The following DIPK2B variants were observed in gnomAD, a reference collection of about 807,000 sequenced individuals.
DIPK2B encodes the protein UPF0672 protein CXorf36.
A neutral mutation model predicts 22.2 loss-of-function variants in DIPK2B; 15 were observed. The ratio of observed to expected loss-of-function variants is 0.68; its 90% CI spans 0.45 to 1.04. The LOEUF is 1.04. DIPK2B is among the 50% of genes least tolerant of loss of function. The pLI is 0.00. For missense variants in DIPK2B, 345 were observed against 348.3 expected, an observed-to-expected ratio of 0.99 and a Z score of 0.08; for synonymous variants, 163 against 153.2, an observed-to-expected ratio of 1.06 and a Z score of -0.47.
intron 1 of DIPK2B, among the ~76,000 whole-genome samples, chrX:45,193,295 T>C (rs1169273418): frequency 8.9e-6 from 1 of 112,465 alleles, no homozygotes; most frequent in Non-Finnish European, 1.9e-5. Context: ...ATGTGACATG[T>C]TATATATTTA....
At chrX:45,179,444 A>G in intron 2 of DIPK2B, among the ~76,000 whole-genome samples, 2 of 111,329 alleles carry the variant, frequency 1.8e-5, no homozygotes, top group Admixed American at 1.9e-4. Flanking sequence ...CAGAAGTGGA[A>G]GCAGAGATAA....
chrX:45,176,618 G>A (rs1488247719), intron 2 of DIPK2B, among the ~76,000 whole-genome samples: 1 of 111,738 alleles, frequency 8.9e-6, no homozygotes, highest in Non-Finnish European at 1.9e-5. Flanking sequence ...TTATTGGTGG[G>A]GAGACAGTTT....
chrX:45,188,427 T>C (rs1203287562), intron 2 of DIPK2B, among the ~76,000 whole-genome samples: 1 of 112,169 alleles, frequency 8.9e-6, no homozygotes, highest in Non-Finnish European at 1.9e-5. Context: ...GCAAATGGCT[T>C]CTTAGAGGGC....
At chrX:45,165,572 T>C (rs778236899) in intron 2 of DIPK2B, among the ~76,000 whole-genome samples, 1 of 111,072 alleles carries the variant, frequency 9.0e-6, no homozygotes, top group East Asian at 2.9e-4. Context: ...ACTAGCCCCA[T>C]GCTGCAACAT....
At chrX:45,183,614 C>T (rs1000977617) in intron 2 of DIPK2B, among the ~76,000 whole-genome samples, 4 of 111,278 alleles carry the variant, frequency 3.6e-5, no homozygotes, top group Non-Finnish European at 5.6e-5. Flanking sequence ...TTAATCAAAT[C>T]ATTCCAGACT....
chrX:45,191,709 A>C (rs745724401), intron 2 of DIPK2B, 42 bp downstream of exon 2: 36 of 1,170,049 alleles, frequency 3.1e-5, no homozygotes, highest in Non-Finnish European at 3.9e-5. Flanking sequence ...TCTCTTTCTC[A>C]TCATCCCCTT....
intron 2 of DIPK2B, chrX:45,163,409 T>C (rs943482803): frequency 4.8e-5 from 36 of 752,715 alleles, no homozygotes; most frequent in Admixed American, 2.6e-4. Flanking sequence ...CACTCGTTCA[T>C]TACAAAAATG....
In DIPK2B at chrX:45,152,023, C is replaced by T; in HGVS notation, c.962-31G>A. On this transcript the variant is annotated intron_variant, in intron 4 of 4. Coordinates refer to ENST00000398000, the MANE Select transcript of DIPK2B (RefSeq NM_176819.4). Reference sequence around the variant, plus strand: ...AAAGAAATGGGAAGTATTACACACCCTGCCACCAGTGCTCCTTGAGGGAGG... The same window carrying T: ...AAAGAAATGGGAAGTATTACACACCTTGCCACCAGTGCTCCTTGAGGGAGG... 4 of 1,117,947 alleles carry T rather than the reference C, an allele frequency of 3.6e-6. No homozygotes were observed. In the East Asian group the frequency reaches 1.3e-4, roughly 37 times the overall value. 92.1% of individuals were successfully genotyped at this position (1,117,947 alleles called of 1,213,427 possible). A position where few individuals can be genotyped will look rare whatever the true frequency, so the allele number is the denominator to read the frequency against.
intron 2 of DIPK2B, among the ~76,000 whole-genome samples, chrX:45,159,355 T>A (rs1013582878): frequency 8.9e-6 from 1 of 111,877 alleles, no homozygotes; most frequent in African/African-American, 3.3e-5. Flanking sequence ...TTATTATTGC[T>A]CCACTTTTCA....
At chrX:45,168,938 C>T (rs186143674) in intron 2 of DIPK2B, among the ~76,000 whole-genome samples, 36 of 112,190 alleles carry the variant, frequency 3.2e-4, no homozygotes, top group African/African-American at 1.2e-3. Context: ...GGGTTCAAAT[C>T]CCAGTTCTGT....
chrX:45,164,079 G>T (rs2047035354), intron 2 of DIPK2B: 1 of 1,032,725 alleles, frequency 9.7e-7, no homozygotes, highest in African/African-American at 1.9e-5. Context: ...AAGGTTTGAT[G>T]CAGAAGCCTC....
intron 2 of DIPK2B, among the ~76,000 whole-genome samples, chrX:45,190,159 A>G (rs777353039): frequency 1.8e-5 from 2 of 112,516 alleles, no homozygotes; most frequent in Non-Finnish European, 3.7e-5. Context: ...ATTAGGATAA[A>G]TGAATCAGAT....
At position 45,200,670 on chromosome X, in the gene DIPK2B, T is replaced by C; in HGVS notation, c.157A>G (p.Thr53Ala). 1.6e-6 allele frequency: 2 copies of C among 1,212,465 alleles called. No homozygotes were observed. The highest frequency in any genetic ancestry group is 2.2e-6 in the Non-Finnish European group (2 of 895,634). ...TTGCATTTATCAAGACCGAGGAAAG[T>C]CCTTCCAAAATTGTAGCTGGTTCTG... ...QVRTSYNFGR[T>A]FLGLDKCNAC... The change falls in exon 1 of 5, where the codon ACT (threonine) becomes GCT (alanine). Residue 53 changes from threonine to alanine, a missense_variant. By Grantham distance (58) the Thr-to-Ala change is moderately conservative (BLOSUM62 0). Transcript: ENST00000398000.
intron 3 of DIPK2B, among the ~76,000 whole-genome samples, chrX:45,157,079 G>T (rs1439275308): frequency 9.1e-6 from 1 of 109,535 alleles, no homozygotes; most frequent in Non-Finnish European, 1.9e-5. Flanking sequence ...TCCTTTATGT[G>T]ACCCCTGTGT....
intron 2 of DIPK2B, among the ~76,000 whole-genome samples, chrX:45,184,057 C>A (rs1185491284): frequency 1.8e-5 from 2 of 111,404 alleles, no homozygotes; most frequent in Non-Finnish European, 3.8e-5. Flanking sequence ...TCCTTGTGAA[C>A]TAAAATCTAG....
In DIPK2B at chrX:45,193,419, C is replaced by T. The variant is rs752340416; in HGVS notation, c.234-1404G>A. Among the ~76,000 whole-genome samples the T allele has an allele frequency of 4.5e-5, 5 of 111,880 alleles. No homozygotes were observed. The East Asian group carries it at 1.4e-3, about 31-fold the overall frequency. On this transcript the variant is annotated intron_variant, in intron 1 of 4. Transcript: ENST00000398000. ...TTAGCATTTTGATTAGACCCAAACC[C>T]TAGACTGTGTTGTTTTTTTCTCTTA...
chrX:45,193,669 A>G (rs1269976550), intron 1 of DIPK2B, among the ~76,000 whole-genome samples: 1 of 112,791 alleles, frequency 8.9e-6, no homozygotes, highest in Non-Finnish European at 1.9e-5. Context: ...GCAATGCAGG[A>G]CAATGCAAAT....
chrX:45,199,598 C>G (rs1251194245), intron 1 of DIPK2B, among the ~76,000 whole-genome samples: 1 of 111,552 alleles, frequency 9.0e-6, no homozygotes, highest in Non-Finnish European at 1.9e-5. Context: ...CTTCCCGTTA[C>G]TTTTCAGCTC....
Position 45,188,423 on chromosome X carries a change from G to T in DIPK2B, c.498+3328C>A, listed in dbSNP as rs61571123. Among the ~76,000 whole-genome samples the T allele has an allele frequency of 4.6e-3, 516 of 112,032 alleles. 27 individuals are homozygous for T. In the East Asian group the frequency reaches 0.12, roughly 25 times the overall value. The stretch of plus-strand genomic sequence containing the variant: ...CGCAATATTGGCTTTACATGCAAAT[G>T]GCTTCTTAGAGGGCTAACAGTGAAA... On this transcript the variant is annotated intron_variant, in intron 2 of 4. Coordinates refer to ENST00000398000, the MANE Select transcript of DIPK2B (RefSeq NM_176819.4).
Sources: allele counts gnomAD v4.1 joint callset (sites outside exome capture counted in the v4.1 genomes callset), GRCh38; gene constraint gnomAD v4.1.1; transcripts MANE v1.5; gene names NCBI Gene and HGNC (gene_info 2026-07-23, HGNC 2026-07-21).